The following TIAM2 variants were observed in gnomAD, a reference collection of about 807,000 sequenced individuals.
The protein encoded by TIAM2 is rho guanine nucleotide exchange factor TIAM2.
In TIAM2, 80 loss-of-function variants were observed where a neutral mutation model predicts 152.9. The ratio of observed to expected loss-of-function variants is 0.52; its 90% CI spans 0.44 to 0.63. The LOEUF (loss-of-function observed/expected upper bound fraction) is 0.63, where lower values mean the gene tolerates loss of function less well. Ranked by LOEUF, TIAM2 falls within the 30% of genes least tolerant of loss-of-function variation. The probability of loss-of-function intolerance (pLI) is 0.00; values close to 1 mark genes in which losing one functional copy is unlikely to be tolerated. For synonymous variants in TIAM2, 804 were observed against 838.0 expected, an observed-to-expected ratio of 0.96 and a Z score of 0.70; for missense variants, 1,965 against 2,120.1, an observed-to-expected ratio of 0.93 and a Z score of 1.44.
At chr6:154,997,558 A>G (rs542952075) in intron 1 of TIAM2, among the ~76,000 whole-genome samples, 81 of 150,194 alleles carry the variant, frequency 5.4e-4, no homozygotes, top group African/African-American at 1.7e-3. Context: ...CTTAGCATCC[A>G]TCACTTCAAC....
At chr6:155,010,549 G>T (rs1678282087) in intron 1 of TIAM2, among the ~76,000 whole-genome samples, 1 of 152,118 alleles carries the variant, frequency 6.6e-6, no homozygotes, top group Admixed American at 6.5e-5. Flanking sequence ...TGTGCCTCCT[G>T]GGTTCAACCC....
chr6:155,097,714 G>A (rs1288756680), intron 2 of TIAM2, among the ~76,000 whole-genome samples: 1 of 152,162 alleles, frequency 6.6e-6, no homozygotes, highest in African/African-American at 2.4e-5. Context: ...TGAGGTCTTA[G>A]ACAGAAAATC....
At chr6:155,056,615 G>C (rs1170444046) in intron 1 of TIAM2, among the ~76,000 whole-genome samples, 2 of 151,792 alleles carry the variant, frequency 1.3e-5, no homozygotes, top group Non-Finnish European at 2.9e-5. Context: ...TTTATCTCTT[G>C]ACTAACTTAT....
At chr6:155,017,556 T>G (rs1047367715) in intron 1 of TIAM2, among the ~76,000 whole-genome samples, 3 of 143,654 alleles carry the variant, frequency 2.1e-5, no homozygotes. Flanking sequence ...CAGGCTGGAG[T>G]GCAGTAGTGC....
At chr6:155,251,282 A>ATCTTTT (rs376138659) in intron 22 of TIAM2, among the ~76,000 whole-genome samples, 19 of 152,110 alleles carry the variant, frequency 1.2e-4, no homozygotes, top group African/African-American at 2.4e-4. Flanking sequence ...GAAACCTGCT[A>ATCTTTT]TCTTTTTCTT....
At chr6:155,161,827 A>T (rs1232943158) in intron 7 of TIAM2, among the ~76,000 whole-genome samples, 1 of 151,616 alleles carries the variant, frequency 6.6e-6, no homozygotes, top group East Asian at 1.9e-4. Flanking sequence ...ATCTGCCCGC[A>T]TCGGCCTCCC....
chr6:155,255,212 T>C (rs2115370303), intron 26 of TIAM2: 1 of 152,380 alleles, frequency 6.6e-6, no homozygotes, highest in East Asian at 1.9e-4. Context: ...GTACATTAAA[T>C]GCATTCTCGA....
chr6:154,997,835 G>T (rs980559777), intron 1 of TIAM2, among the ~76,000 whole-genome samples: 1 of 151,590 alleles, frequency 6.6e-6, no homozygotes, highest in Middle Eastern at 3.4e-3. Flanking sequence ...AGGGGGTTTC[G>T]CCATGTTGCC....
At chr6:155,159,370 A>G (rs972121281) in intron 7 of TIAM2, among the ~76,000 whole-genome samples, 1 of 152,222 alleles carries the variant, frequency 6.6e-6, no homozygotes, top group Non-Finnish European at 1.5e-5. Flanking sequence ...GTATCTTCCT[A>G]TGAGTCAGAA....
chr6:155,047,245 C>CT (rs1777196422), intron 1 of TIAM2, among the ~76,000 whole-genome samples: 1 of 152,184 alleles, frequency 6.6e-6, no homozygotes, highest in Non-Finnish European at 1.5e-5. Flanking sequence ...GTGGCACGAT[C>CT]TTAGCTCACA....
intron 1 of TIAM2, among the ~76,000 whole-genome samples, chr6:155,070,612 G>T (rs760921965): frequency 6.6e-6 from 1 of 152,098 alleles, no homozygotes; most frequent in Non-Finnish European, 1.5e-5. Flanking sequence ...AATTTTTCTA[G>T]TAAGCATCTT....
chr6:155,160,828 A>G (rs138486538), intron 7 of TIAM2, among the ~76,000 whole-genome samples: 154 of 152,338 alleles, frequency 1.0e-3, no homozygotes, highest in African/African-American at 3.3e-3. Context: ...TAAGAAGGAT[A>G]AGGAACATTG....
At chr6:155,247,886 G>T (rs533388016) in intron 19 of TIAM2, 114 bp from the exon 20 acceptor site, 2 of 1,333,908 alleles carry the variant, frequency 1.5e-6, no homozygotes, top group East Asian at 4.7e-5. Context: ...TTTCATTAAA[G>T]AATGGCATTA....
At chr6:155,046,940 C>T (rs948064460) in intron 1 of TIAM2, among the ~76,000 whole-genome samples, 1 of 152,190 alleles carries the variant, frequency 6.6e-6, no homozygotes, top group African/African-American at 2.4e-5. Flanking sequence ...TTTGCAGATA[C>T]ATCTATGGAG....
intron 12 of TIAM2, among the ~76,000 whole-genome samples, chr6:155,179,948 GCTTTAGCTTTACTTC>G (rs765419788): frequency 5.3e-5 from 8 of 152,126 alleles, no homozygotes; most frequent in Non-Finnish European, 1.0e-4. Flanking sequence ...GTGTCTGATT[GCTTTAGCTTTACTTC>G]CTTCTTTCTT....
intron 2 of TIAM2, among the ~76,000 whole-genome samples, chr6:155,097,814 AT>A (rs1778451002): frequency 6.6e-6 from 1 of 152,160 alleles, no homozygotes; most frequent in African/African-American, 2.4e-5. Context: ...TCTTTAATCC[AT>A]TTTGACTTGA....
chr6:155,245,701 C>T lies in TIAM2; in HGVS notation c.3622C>T (p.His1208Tyr), dbSNP rs1783277514. 1 of 1,611,580 alleles carries T rather than the reference C, an allele frequency of 6.2e-7. No homozygotes were observed. Among genetic ancestry groups the T allele is most frequent in the Non-Finnish European group, 8.5e-7 (1 of 1,178,812 alleles). The change falls in exon 19 of 27, where the codon CAT becomes TAT. Residue 1208 changes from histidine to tyrosine, a missense_variant. Physicochemically the swap from His to Tyr is moderately conservative, Grantham distance 83. Transcript: ENST00000682666. ...ACTGTACAGTGGATTCTGTGCTAAC[C>T]ATATCAAAGTACAGAAGGTTCTGGA... ...FKLYSGFCANHIKVQKVLERA... is the reference protein window; with the variant it reads ...FKLYSGFCANYIKVQKVLERA...
intron 14 of TIAM2, among the ~76,000 whole-genome samples, chr6:155,199,139 G>A (rs994869152): frequency 6.6e-6 from 1 of 151,730 alleles, no homozygotes; most frequent in African/African-American, 2.4e-5. Flanking sequence ...CAAATGGTGC[G>A]ATCTCGGTTC....
chr6:155,164,631 C>T, intron 8 of TIAM2, 31 bp downstream of exon 8: 1 of 1,586,706 alleles, frequency 6.3e-7, no homozygotes, highest in South Asian at 1.1e-5. Context: ...GTTTCTGCAG[C>T]ATTCGGGGAG....
Sources: allele counts gnomAD v4.1 joint callset (sites outside exome capture counted in the v4.1 genomes callset), GRCh38; gene constraint gnomAD v4.1.1; transcripts MANE v1.5; gene names NCBI Gene and HGNC (gene_info 2026-07-23, HGNC 2026-07-21).